Variants in COL4A6 observed in about 807,000 individuals in gnomAD.
COL4A6 encodes the protein collagen alpha-6(IV) chain.
A neutral mutation model predicts 126.7 loss-of-function variants in COL4A6; 59 were observed. The ratio of observed to expected loss-of-function variants is 0.47; its 90% CI spans 0.38 to 0.58. The LOEUF (loss-of-function observed/expected upper bound fraction) is 0.58, where lower values mean the gene tolerates loss of function less well. COL4A6 is among the 20% of genes least tolerant of loss of function. COL4A6 has a pLI of 0.00. For synonymous variants in COL4A6, 547 were observed against 496.6 expected (o/e 1.10, Z -1.35); for missense variants, 1,285 against 1,337.3 (o/e 0.96, Z 0.61).
At position 108,267,071 on chromosome X, in the gene COL4A6, G is replaced by A. The variant is rs186067292; in HGVS notation, c.144+43677C>T. Among the ~76,000 whole-genome samples the A allele has an allele frequency of 3.9e-3, 439 of 111,957 alleles. 1 individual carries two copies. The highest frequency in any genetic ancestry group is 0.014 in the African/African-American group (429 of 30,881). On this transcript the variant is annotated intron_variant, in intron 3 of 44. Coordinates refer to ENST00000334504, the MANE Select transcript of COL4A6 (RefSeq NM_033641.4). ...TATTGGCAGAATGGCATTTCTTTTT[G>A]GAGGCCCTAGGGGGAAATCCATTCC...
chrX:108,342,891 T>C (rs764023282), intron 2 of COL4A6, among the ~76,000 whole-genome samples: 1 of 109,349 alleles, frequency 9.1e-6, no homozygotes, highest in East Asian at 2.9e-4. Context: ...GCCTGGTATG[T>C]GTTAGACACT....
intron 2 of COL4A6, among the ~76,000 whole-genome samples, chrX:108,348,093 G>A (rs1416345994): frequency 1.8e-5 from 2 of 111,666 alleles, no homozygotes; most frequent in Non-Finnish European, 3.8e-5. Context: ...ATTGTAACTC[G>A]AAAACAGTCT....
At chrX:108,345,886 T>C (rs759042483) in intron 2 of COL4A6, among the ~76,000 whole-genome samples, 19 of 111,841 alleles carry the variant, frequency 1.7e-4, no homozygotes, top group Non-Finnish European at 3.0e-4. Context: ...CAGGTACCAC[T>C]GCAGATAAAT....
At chrX:108,178,912 C>G in intron 26 of COL4A6, 67 bp from the exon 27 acceptor site, 3 of 1,083,856 alleles carry the variant, frequency 2.8e-6, no homozygotes, top group Non-Finnish European at 3.7e-6. Context: ...AGCAAACCAA[C>G]TTCCAGGACT....
chrX:108,371,685 A>C (rs1569446840), intron 2 of COL4A6, among the ~76,000 whole-genome samples: 1 of 107,464 alleles, frequency 9.3e-6, no homozygotes, highest in African/African-American at 3.4e-5. Flanking sequence ...TGGGCCCAGG[A>C]GGTCGAGGTG....
intron 3 of COL4A6, among the ~76,000 whole-genome samples, chrX:108,284,540 A>G (rs765160722): frequency 8.9e-6 from 1 of 112,305 alleles, no homozygotes; most frequent in South Asian, 3.7e-4. Context: ...AAATAAAACA[A>G]AACAAAACAA....
intron 3 of COL4A6, among the ~76,000 whole-genome samples, chrX:108,284,847 G>A (rs756841800): frequency 4.5e-5 from 5 of 112,025 alleles, no homozygotes; most frequent in Non-Finnish European, 7.5e-5. Flanking sequence ...AGCTTCAAAC[G>A]TGCCTCCATG....
intron 3 of COL4A6, among the ~76,000 whole-genome samples, chrX:108,231,280 A>G (rs781687669): frequency 8.9e-6 from 1 of 112,026 alleles, no homozygotes; most frequent in African/African-American, 3.2e-5. Context: ...GAAGACATGC[A>G]TCTACACGTT....
chrX:108,390,028 C>A (rs1318928569), intron 2 of COL4A6, among the ~76,000 whole-genome samples: 1 of 111,779 alleles, frequency 8.9e-6, no homozygotes, highest in Non-Finnish European at 1.9e-5. Context: ...GTTGAAAATT[C>A]TTTTCTTTAA....
At chrX:108,158,607 C>G (rs1289782234) in intron 44 of COL4A6, among the ~76,000 whole-genome samples, 3 of 112,041 alleles carry the variant, frequency 2.7e-5, no homozygotes, top group Non-Finnish European at 5.6e-5. Flanking sequence ...CTGGGATAAA[C>G]TATCCAATGT....
intron 3 of COL4A6, among the ~76,000 whole-genome samples, chrX:108,227,747 C>T (rs1035076158): frequency 9.0e-6 from 1 of 111,600 alleles, no homozygotes; most frequent in Non-Finnish European, 1.9e-5. Context: ...TCTTCTCAGA[C>T]GTAAAGAGTC....
At chrX:108,343,899 G>T (rs2039649435) in intron 2 of COL4A6, among the ~76,000 whole-genome samples, 1 of 109,405 alleles carries the variant, frequency 9.1e-6, no homozygotes, top group Non-Finnish European at 1.9e-5. Context: ...ATTAACGAAA[G>T]GTGACCCAAT....
chrX:108,378,267 G>T (rs1398649769), intron 2 of COL4A6, among the ~76,000 whole-genome samples: 1 of 111,241 alleles, frequency 9.0e-6, no homozygotes. Context: ...ACATTTTAGG[G>T]AGCTTTTTGT....
At chrX:108,434,059 A>G (rs888918309) in intron 2 of COL4A6, among the ~76,000 whole-genome samples, 1 of 112,278 alleles carries the variant, frequency 8.9e-6, no homozygotes, top group African/African-American at 3.2e-5. Context: ...TACTCCAGTC[A>G]TATGGCTTGA....
chrX:108,363,722 G>A (rs905787201), intron 2 of COL4A6, among the ~76,000 whole-genome samples: 2 of 112,381 alleles, frequency 1.8e-5, no homozygotes, highest in Admixed American at 9.4e-5. Flanking sequence ...TTCTGTCTGG[G>A]TTTGGATGAC....
intron 2 of COL4A6, among the ~76,000 whole-genome samples, chrX:108,420,365 C>T (rs1603229911): frequency 9.0e-6 from 1 of 111,391 alleles, no homozygotes; most frequent in East Asian, 2.8e-4. Context: ...TAATGTCCCC[C>T]AGGTGACTCA....
rs1314630552 is a variant in COL4A6, at chrX:108,192,458, G to T, written c.1180+15C>A. 16 of 1,141,706 alleles carry T rather than the reference G, an allele frequency of 1.4e-5. No individual in the cohort carries two copies. Among genetic ancestry groups the T allele is most frequent in the Non-Finnish European group, 1.9e-5 (16 of 835,644 alleles). The allele number at this position is 1,141,706 out of a possible 1,213,427, so 94.1% of individuals were successfully genotyped here. ...GAGGACTGATCTGTGTAGGAAATGG[G>T]TTAGTTTTTTTCACCTGATAATGCT... On this transcript the variant is annotated intron_variant, in intron 18 of 44. Coordinates refer to ENST00000334504, the MANE Select transcript of COL4A6 (RefSeq NM_033641.4).
At chrX:108,323,293 T>C (rs1459950061) in intron 2 of COL4A6, among the ~76,000 whole-genome samples, 1 of 112,154 alleles carries the variant, frequency 8.9e-6, no homozygotes, top group Non-Finnish European at 1.9e-5. Context: ...TGTTGGGCAC[T>C]ATGGAAAAAA....
At chrX:108,308,309 T>A (rs2038677042) in intron 3 of COL4A6, among the ~76,000 whole-genome samples, 1 of 111,461 alleles carries the variant, frequency 9.0e-6, no homozygotes, top group East Asian at 2.8e-4. Context: ...AGGACTGACC[T>A]CCGATCAGAT....
Sources: allele counts gnomAD v4.1 joint callset (sites outside exome capture counted in the v4.1 genomes callset), GRCh38; gene constraint gnomAD v4.1.1; transcripts MANE v1.5; gene names NCBI Gene and HGNC (gene_info 2026-07-23, HGNC 2026-07-21).